Variants in RGS20 observed in about 807,000 individuals in gnomAD.
RGS20 encodes the protein gz-selective GTPase-activating protein.
In RGS20, 30 loss-of-function variants were observed where a neutral mutation model predicts 33.6. That is an observed-to-expected ratio of 0.89 (90% CI 0.67 to 1.21). The LOEUF is 1.21. RGS20 is among the 50% of genes most tolerant of loss of function. The probability of loss-of-function intolerance (pLI) is 0.00; values close to 1 mark genes in which losing one functional copy is unlikely to be tolerated. For missense variants in RGS20, 472 were observed against 502.4 expected, an observed-to-expected ratio of 0.94 and a Z score of 0.58; for synonymous variants, 208 against 197.9, an observed-to-expected ratio of 1.05 and a Z score of -0.43.
intron 2 of RGS20, among the ~76,000 whole-genome samples, chr8:53,883,783 A>G (rs1033059900): frequency 5.9e-5 from 9 of 151,958 alleles, no homozygotes; most frequent in African/African-American, 1.9e-4. Flanking sequence ...CATCTCTACT[A>G]AAAATACAAA....
chr8:53,934,448 G>A (rs569656849), intron 2 of RGS20, among the ~76,000 whole-genome samples: 6 of 152,222 alleles, frequency 3.9e-5, no homozygotes, highest in South Asian at 2.1e-4. Flanking sequence ...AGAAGCAAGC[G>A]TTGCAATCCT....
chr8:53,878,328 T>A (rs995365301), intron 1 of RGS20, among the ~76,000 whole-genome samples: 8 of 152,020 alleles, frequency 5.3e-5, no homozygotes, highest in Non-Finnish European at 1.0e-4. Context: ...CCTTTATAAA[T>A]GAACTCAAAA....
chr8:53,881,081 G>T, intron 2 of RGS20: 1 of 1,541,200 alleles, frequency 6.5e-7, no homozygotes, highest in Admixed American at 2.3e-5. Context: ...TGGACGGTGG[G>T]CTCGTGAGTA....
chr8:53,939,413 G>A (rs1814223000), intron 2 of RGS20, among the ~76,000 whole-genome samples, 163 bp from the exon 2 acceptor site: 1 of 152,226 alleles, frequency 6.6e-6, no homozygotes, highest in African/African-American at 2.4e-5. Flanking sequence ...TACATTAATT[G>A]ATCCTAAGAT....
Position 53,915,310 on chromosome 8 carries a change from C to T in RGS20, c.511-24266C>T, listed in dbSNP as rs1435846212. 5.3e-5 allele frequency among the ~76,000 whole-genome samples: 8 copies of T among 152,168 alleles called. 1 individual carries two copies. Among genetic ancestry groups the T allele is most frequent in the Non-Finnish European group, 1.0e-4 (7 of 68,034 alleles). On this transcript the variant is annotated intron_variant, in intron 2 of 5. Transcript: ENST00000297313. ...CTCTCTGCTTTCTCTCCTTTCCGAG[C>T]TCTGCTGCCTTGGATGCAGCACTGC...
intron 2 of RGS20, among the ~76,000 whole-genome samples, chr8:53,890,896 C>T (rs1308559809): frequency 6.6e-6 from 1 of 152,160 alleles, no homozygotes; most frequent in Non-Finnish European, 1.5e-5. Flanking sequence ...CTTTCTTGTT[C>T]CTTGGGAATT....
chr8:53,924,676 T>A (rs1047655886), intron 2 of RGS20, among the ~76,000 whole-genome samples: 3 of 152,226 alleles, frequency 2.0e-5, no homozygotes, highest in Non-Finnish European at 4.4e-5. Flanking sequence ...TGATCTTTTT[T>A]CTGTCCTCCT....
intron 3 of RGS20, among the ~76,000 whole-genome samples, chr8:53,940,953 T>G (rs1241243467): frequency 6.6e-6 from 1 of 152,170 alleles, no homozygotes; most frequent in Non-Finnish European, 1.5e-5. Flanking sequence ...ACTCTGCCAG[T>G]AGGTCTCAGT....
intron 2 of RGS20, among the ~76,000 whole-genome samples, chr8:53,911,069 C>T (rs967658248): frequency 6.6e-6 from 1 of 152,126 alleles, no homozygotes; most frequent in Admixed American, 6.5e-5. Flanking sequence ...TGGAGGTGAA[C>T]TATTAGATCT....
chr8:53,897,724 T>C (rs1028267821), intron 2 of RGS20, among the ~76,000 whole-genome samples: 2 of 152,206 alleles, frequency 1.3e-5, no homozygotes, highest in South Asian at 4.1e-4. Context: ...TTGAATTCAT[T>C]TGCTGCTTTC....
chr8:53,893,265 G>C (rs1417406025), intron 2 of RGS20, among the ~76,000 whole-genome samples: 1 of 151,982 alleles, frequency 6.6e-6, no homozygotes, highest in Non-Finnish European at 1.5e-5. Context: ...TTTCATATTA[G>C]ATTTCCTGTT....
intron 2 of RGS20, among the ~76,000 whole-genome samples, chr8:53,911,422 A>G (rs984087315): frequency 6.6e-6 from 1 of 152,210 alleles, no homozygotes; most frequent in African/African-American, 2.4e-5. Flanking sequence ...AGCCCAAACC[A>G]TCAGAAATGA....
chr8:53,880,974 A>C (rs955944993), intron 2 of RGS20: 1 of 1,586,674 alleles, frequency 6.3e-7, no homozygotes, highest in Non-Finnish European at 8.5e-7. Flanking sequence ...TAGAGAGGGC[A>C]GCCCTCCGCG....
At chr8:53,925,483 G>A (rs1388244892) in intron 2 of RGS20, among the ~76,000 whole-genome samples, 2 of 152,140 alleles carry the variant, frequency 1.3e-5, no homozygotes, top group African/African-American at 4.8e-5. Context: ...AAAGTTAGAA[G>A]TTAAAACTAG....
intron 1 of RGS20, among the ~76,000 whole-genome samples, chr8:53,870,752 G>C (rs975545905): frequency 6.6e-6 from 1 of 152,074 alleles, no homozygotes; most frequent in African/African-American, 2.4e-5. Flanking sequence ...TTTGTCTCCT[G>C]AGGTCCACAC....
At chr8:53,916,961 GC>G (rs1270112206) in intron 2 of RGS20, among the ~76,000 whole-genome samples, 2 of 152,126 alleles carry the variant, frequency 1.3e-5, no homozygotes, top group Admixed American at 1.3e-4. Flanking sequence ...TTTCATAAAG[GC>G]CCCATTCTCA....
chr8:53,927,904 A>G (rs1813849335), intron 2 of RGS20, among the ~76,000 whole-genome samples: 1 of 152,228 alleles, frequency 6.6e-6, no homozygotes, highest in Admixed American at 6.5e-5. Context: ...TATTTTTACA[A>G]TCTTGTAAAT....
intron 2 of RGS20, among the ~76,000 whole-genome samples, chr8:53,930,233 A>G (rs1813916172): frequency 6.6e-6 from 1 of 152,252 alleles, no homozygotes; most frequent in Non-Finnish European, 1.5e-5. Flanking sequence ...TCAATATAGT[A>G]TTCTTAGCCT....
chr8:53,915,440 T>G (rs1044917662), intron 2 of RGS20, among the ~76,000 whole-genome samples: 9 of 152,144 alleles, frequency 5.9e-5, no homozygotes, highest in African/African-American at 2.2e-4. Flanking sequence ...ATCTCCCCAC[T>G]CCTGCCTGAC....
Sources: gnomAD v4.1 joint callset for allele counts (sites outside exome capture counted in the v4.1 genomes callset) on GRCh38, gnomAD v4.1.1 for gene constraint, MANE v1.5 for transcripts, NCBI Gene and HGNC (gene_info 2026-07-23, HGNC 2026-07-21) for gene names.